PPIL2: variants seen among roughly 807,000 people sequenced by gnomAD.
The protein encoded by PPIL2 is RING-type E3 ubiquitin-protein ligase PPIL2.
A neutral mutation model predicts 75.2 loss-of-function variants in PPIL2; 50 were observed. The observed-to-expected ratio is 0.66, with a 90% CI of 0.53 to 0.84. The LOEUF is 0.84. Ranked by LOEUF, PPIL2 falls within the 40% of genes least tolerant of loss-of-function variation. The probability of loss-of-function intolerance (pLI) is 0.00; values close to 1 mark genes in which losing one functional copy is unlikely to be tolerated. For missense variants in PPIL2, 590 were observed against 685.0 expected (o/e 0.86, Z 1.55); for synonymous variants, 245 against 258.8 (o/e 0.95, Z 0.51).
intron 12 of PPIL2, 36 bp downstream of exon 12, chr22:21,687,034 G>A (rs769678761): frequency 6.4e-7 from 1 of 1,558,320 alleles, no homozygotes; most frequent in Non-Finnish European, 8.8e-7. Flanking sequence ...CATGCCCCAA[G>A]GTCATCTCTG....
chr22:21,667,276 C>T (rs1160374291), intron 1 of PPIL2, among the ~76,000 whole-genome samples: 2 of 151,646 alleles, frequency 1.3e-5, no homozygotes, highest in African/African-American at 2.4e-5. Flanking sequence ...CCTGCCTCAG[C>T]CTCCCGAGTA....
At chr22:21,676,319 G>GTGTA (rs1224246858) in intron 6 of PPIL2, among the ~76,000 whole-genome samples, 1 of 150,050 alleles carries the variant, frequency 6.7e-6, no homozygotes, top group African/African-American at 2.5e-5. Flanking sequence ...TTGTGTGTGT[G>GTGTA]TGTGTGTGTG....
Position 21,688,097 on chromosome 22 carries a change from A to G in PPIL2, c.1012A>G (p.Thr338Ala), listed in dbSNP as rs767614189. The G allele has an allele frequency of 1.2e-6, 2 of 1,614,186 alleles. No individual in the cohort carries two copies. The highest frequency in any genetic ancestry group is 1.7e-6 in the Non-Finnish European group (2 of 1,180,030). Residue 338 changes from threonine to alanine, a missense_variant, in exon 14 of 20, where the codon ACA becomes GCA. Transcript: ENST00000398831. ...FVIQGGDPTG[T>A]GTGGESYWGK... ...GATCCAAGGGGGCGACCCCACAGGCACAGGCACGGGTAGGTACTGGTGCTG... is the reference window on the plus strand; with the variant it reads ...GATCCAAGGGGGCGACCCCACAGGCGCAGGCACGGGTAGGTACTGGTGCTG...
At chr22:21,669,015 ATTTT>A (rs71318713) in intron 1 of PPIL2, among the ~76,000 whole-genome samples, 4 of 137,256 alleles carry the variant, frequency 2.9e-5, no homozygotes, top group Admixed American at 7.2e-5. Flanking sequence ...CTGGCCCTCT[ATTTT>A]TTTTTTTTTT....
chr22:21,688,157 G>C, intron 14 of PPIL2, 51 bp downstream of exon 14: 1 of 1,609,404 alleles, frequency 6.2e-7, no homozygotes, highest in Non-Finnish European at 8.5e-7. Context: ...GCTCCGTGGG[G>C]CATGAGGGGG....
chr22:21,676,411 G>C (rs2066863256), intron 6 of PPIL2, among the ~76,000 whole-genome samples: 1 of 151,350 alleles, frequency 6.6e-6, no homozygotes, highest in South Asian at 2.1e-4. Flanking sequence ...TTCTCACAGA[G>C]GGGGATTTGG....
intron 16 of PPIL2, among the ~76,000 whole-genome samples, chr22:21,694,144 C>T (rs955430711): frequency 6.6e-6 from 1 of 152,172 alleles, no homozygotes; most frequent in African/African-American, 2.4e-5. Flanking sequence ...GCGCGCCACT[C>T]GCAAGCCTGG....
downstream of PPIL2, chr22:21,698,523 C>T (rs949689656): frequency 7.2e-5 from 11 of 152,352 alleles, no homozygotes; most frequent in Non-Finnish European, 1.0e-4. Flanking sequence ...GGGGACGGCA[C>T]GAACCTCCAA....
rs145883797 is a variant in PPIL2, at chr22:21,671,021, C to G, written c.153C>G (p.Tyr51Ter). The G allele has an allele frequency of 1.8e-5, 29 of 1,613,338 alleles. No individual in the cohort carries two copies. Among genetic ancestry groups the G allele is most frequent in the Non-Finnish European group, 2.5e-5 (29 of 1,179,206 alleles). ...GTCTCTCTCTGCAGCCCTTTGTCTA[C>G]CCAGTCTGCACTCCCGATGGCATCG... The part of the protein sequence containing the change: ...HCSLSLQPFV[Y>*]PVCTPDGIVF... The change falls in exon 4 of 20, where the codon TAC (tyrosine) becomes TAG (stop). Residue 51 changes from tyrosine (Y) to a stop codon, truncating the protein, a stop_gained. Transcript: ENST00000398831. LOFTEE classifies it high-confidence loss of function.
In PPIL2 at chr22:21,688,150, C is replaced by A. The variant is rs770308555; in HGVS notation, c.1021+44C>A. The A allele has an allele frequency of 3.1e-6, 5 of 1,612,994 alleles. No individual in the cohort carries two copies. The Admixed American group carries it at 8.3e-5, about 27-fold the overall frequency. ...CCCCTCTCTGGGCACTTTGGCTGCT[C>A]CGTGGGGCATGAGGGGGTAGCTGGG... On this transcript the variant is annotated intron_variant, in intron 14 of 19. Transcript: ENST00000398831.
intron 14 of PPIL2, 77 bp downstream of exon 14, chr22:21,688,183 T>G: frequency 6.4e-7 from 1 of 1,554,646 alleles, no homozygotes; most frequent in Non-Finnish European, 8.9e-7. Context: ...GGGCAGGGGT[T>G]GTGCACAGCT....
At chr22:21,692,738 A>G (rs1412996615) in intron 15 of PPIL2, among the ~76,000 whole-genome samples, 2 of 151,418 alleles carry the variant, frequency 1.3e-5, no homozygotes, top group African/African-American at 4.8e-5. Flanking sequence ...ATCCTGGCTA[A>G]CACAGTGAAA....
intron 15 of PPIL2, 91 bp from the exon 16 acceptor site, chr22:21,693,725 T>G (rs1236234103): frequency 4.7e-6 from 6 of 1,284,424 alleles, no homozygotes; most frequent in African/African-American, 2.9e-5. Context: ...CAGAGCTGGC[T>G]GTAGAGGGTG....
At chr22:21,678,958 G>A (rs1464117373) in intron 6 of PPIL2, among the ~76,000 whole-genome samples, 2 of 148,734 alleles carry the variant, frequency 1.3e-5, no homozygotes, top group Non-Finnish European at 3.0e-5. Flanking sequence ...GTGCAATGGC[G>A]TGATCTCGGC....
At chr22:21,692,155 C>T (rs115936357) in intron 15 of PPIL2, among the ~76,000 whole-genome samples, 2 of 144,190 alleles carry the variant, frequency 1.4e-5, no homozygotes, top group African/African-American at 2.6e-5. Flanking sequence ...TCCTGACAGT[C>T]TTTTTTTTTT....
intron 7 of PPIL2, among the ~76,000 whole-genome samples, chr22:21,681,932 C>T (rs772775708): frequency 3.3e-5 from 5 of 152,226 alleles, no homozygotes; most frequent in Non-Finnish European, 5.9e-5. Flanking sequence ...TGCACCTGGA[C>T]GTTTGTGGGG....
chr22:21,673,328 C>T (rs397422), intron 5 of PPIL2, among the ~76,000 whole-genome samples: 50,582 of 152,098 alleles, frequency 0.33, 8,899 homozygotes, highest in East Asian at 0.45. Flanking sequence ...CAGCAGAGGT[C>T]CCTGCTGCCT....
In PPIL2 at chr22:21,666,781, C is replaced by T. The variant is rs2066401308; in HGVS notation, c.32+650C>T. Among the ~76,000 whole-genome samples, 4 of 152,248 alleles carry T rather than the reference C, an allele frequency of 2.6e-5. No homozygotes were observed. The South Asian group carries it at 8.3e-4, about 32-fold the overall frequency. ...CCGAGATCGTGTCACTGCACTCCAG[C>T]CTGGGCGACAGAGCGAGACGCTGTC... On this transcript the variant is annotated intron_variant, in intron 1 of 19. Transcript: ENST00000398831.
intron 6 of PPIL2, among the ~76,000 whole-genome samples, chr22:21,675,730 G>T (rs1324812346): frequency 6.6e-6 from 1 of 152,244 alleles, no homozygotes; most frequent in East Asian, 1.9e-4. Context: ...TGGTCTGTTT[G>T]TTGTTGGAGG....
Sources: gnomAD v4.1 joint callset for allele counts (sites outside exome capture counted in the v4.1 genomes callset) on GRCh38, gnomAD v4.1.1 for gene constraint, MANE v1.5 for transcripts, NCBI Gene and HGNC (gene_info 2026-07-23, HGNC 2026-07-21) for gene names.